The following ERBB4 variants were observed in gnomAD, a reference collection of about 807,000 sequenced individuals.
ERBB4 encodes receptor tyrosine-protein kinase erbB-4.
ERBB4 carries 42 observed loss-of-function variants against 158.0 expected under a neutral mutation model. The ratio of observed to expected loss-of-function variants is 0.27; its 90% CI spans 0.21 to 0.34. The LOEUF (loss-of-function observed/expected upper bound fraction) is 0.34. ERBB4 is among the 10% of genes least tolerant of loss of function. The pLI is 1.00. For missense variants in ERBB4, 1,333 were observed against 1,624.1 expected (o/e 0.82, Z 3.08); for synonymous variants, 583 against 558.7 (o/e 1.04, Z -0.61).
At chr2:212,120,646 A>G (rs2079719242) in intron 2 of ERBB4, among the ~76,000 whole-genome samples, 1 of 152,212 alleles carries the variant, frequency 6.6e-6, no homozygotes, top group Non-Finnish European at 1.5e-5. Flanking sequence ...CTCACTAGCT[A>G]GAGATGAAAA....
At chr2:211,635,399 CTT>C (rs2070320229) in intron 16 of ERBB4, among the ~76,000 whole-genome samples, 2 of 152,146 alleles carry the variant, frequency 1.3e-5, no homozygotes, top group African/African-American at 4.8e-5. Flanking sequence ...ATTCTACTGA[CTT>C]GAATGCAATT....
intron 1 of ERBB4, among the ~76,000 whole-genome samples, chr2:212,428,715 A>T (rs2091965533): frequency 6.6e-6 from 1 of 152,208 alleles, no homozygotes; most frequent in Non-Finnish European, 1.5e-5. Context: ...AGTAAAATAA[A>T]ACCTTAAGTC....
At chr2:211,619,512 C>T (rs1270563757) in intron 18 of ERBB4, among the ~76,000 whole-genome samples, 1 of 152,014 alleles carries the variant, frequency 6.6e-6, no homozygotes, top group Non-Finnish European at 1.5e-5. Flanking sequence ...GTTTACACTA[C>T]TGTCAAATTC....
In ERBB4 at chr2:211,563,017, C is replaced by T. The variant is rs529271053; in HGVS notation, c.2302-929G>A. Among the ~76,000 whole-genome samples, 150 of 152,034 alleles carry T rather than the reference C, an allele frequency of 9.9e-4. 1 individual carries two copies. Among genetic ancestry groups the T allele is most frequent in the African/African-American group, 3.4e-3 (142 of 41,472 alleles). On this transcript the variant is annotated intron_variant, in intron 19 of 27. Transcript: ENST00000342788. Reference sequence around the variant, plus strand: ...CTATCTCCTGACCTTGTGATCCGCCCGCCTCGGCCTCCCAAAGTGTACTCC... The same window carrying T: ...CTATCTCCTGACCTTGTGATCCGCCTGCCTCGGCCTCCCAAAGTGTACTCC...
chr2:211,941,166 A>C (rs2080483693), intron 3 of ERBB4, among the ~76,000 whole-genome samples: 1 of 151,706 alleles, frequency 6.6e-6, no homozygotes, highest in African/African-American at 2.4e-5. Flanking sequence ...CTTTTCACTG[A>C]TTCTCTCTGA....
intron 7 of ERBB4, among the ~76,000 whole-genome samples, chr2:211,720,655 G>C (rs556281140): frequency 1.3e-5 from 2 of 151,952 alleles, no homozygotes; most frequent in South Asian, 4.2e-4. Context: ...CCACTCTTTC[G>C]GTACACAAGC....
At chr2:212,334,840 C>T (rs1015754466) in intron 1 of ERBB4, among the ~76,000 whole-genome samples, 1 of 151,942 alleles carries the variant, frequency 6.6e-6, no homozygotes, top group South Asian at 2.1e-4. Context: ...ACATTTTCTA[C>T]TGGTTGAGAA....
At chr2:212,072,633 C>G (rs2078157551) in intron 2 of ERBB4, among the ~76,000 whole-genome samples, 1 of 151,998 alleles carries the variant, frequency 6.6e-6, no homozygotes, top group African/African-American at 2.4e-5. Context: ...TTTCGATCTA[C>G]TCGTCAAATC....
At chr2:211,384,673 C>G (rs556848643) in intron 27 of ERBB4, among the ~76,000 whole-genome samples, 3 of 151,894 alleles carry the variant, frequency 2.0e-5, no homozygotes, top group East Asian at 3.9e-4. Flanking sequence ...TAACAGATAG[C>G]TAACATGCCT....
chr2:211,682,007 T>C (rs77016924), intron 12 of ERBB4, among the ~76,000 whole-genome samples: 3,352 of 151,602 alleles, frequency 0.022, 44 homozygotes, highest in Middle Eastern at 0.044. Context: ...GTATTAGTCA[T>C]GGTTCTCCAG....
At chr2:211,958,883 T>A (rs879521850) in intron 2 of ERBB4, among the ~76,000 whole-genome samples, 1 of 152,082 alleles carries the variant, frequency 6.6e-6, no homozygotes, top group Non-Finnish European at 1.5e-5. Context: ...GTACTTTAAG[T>A]ATCCTAAAAG....
At chr2:212,298,967 C>G (rs563314305) in intron 1 of ERBB4, among the ~76,000 whole-genome samples, 1 of 151,670 alleles carries the variant, frequency 6.6e-6, no homozygotes, top group Non-Finnish European at 1.5e-5. Context: ...TTGTGAAATA[C>G]TTTACATGAT....
intron 1 of ERBB4, among the ~76,000 whole-genome samples, chr2:212,196,231 T>C (rs1173314393): frequency 6.6e-6 from 1 of 152,184 alleles, no homozygotes; most frequent in Non-Finnish European, 1.5e-5. Flanking sequence ...ACTTTATTCT[T>C]ATAATTAAGA....
At chr2:212,459,960 CAT>C (rs1258785145) in intron 1 of ERBB4, among the ~76,000 whole-genome samples, 1 of 152,172 alleles carries the variant, frequency 6.6e-6, no homozygotes, top group Non-Finnish European at 1.5e-5. Context: ...CTTGAATTCA[CAT>C]GTGTTGTGGG....
intron 20 of ERBB4, among the ~76,000 whole-genome samples, chr2:211,464,156 T>G (rs2064611573): frequency 6.6e-6 from 1 of 152,202 alleles, no homozygotes; most frequent in Admixed American, 6.5e-5. Context: ...GGCATTTATC[T>G]TGTTATTTTG....
chr2:211,603,518 A>T (rs767812798), intron 19 of ERBB4, among the ~76,000 whole-genome samples: 8 of 152,160 alleles, frequency 5.3e-5, no homozygotes, highest in African/African-American at 1.7e-4. Flanking sequence ...AAAATGAGGC[A>T]ATGTAGCTTG....
chr2:212,085,497 T>G (rs143813458), intron 2 of ERBB4, among the ~76,000 whole-genome samples: 62 of 152,022 alleles, frequency 4.1e-4, no homozygotes, highest in African/African-American at 1.4e-3. Context: ...TCATTTCAGC[T>G]TGGTATTAGT....
chr2:211,894,450 T>A (rs2079049734), intron 3 of ERBB4, among the ~76,000 whole-genome samples: 1 of 144,282 alleles, frequency 6.9e-6, no homozygotes, highest in South Asian at 2.3e-4. Flanking sequence ...TTGGGAGATA[T>A]ACCTAATGCT....
chr2:211,815,341 A>T (rs1384306582), intron 3 of ERBB4, among the ~76,000 whole-genome samples: 1 of 152,252 alleles, frequency 6.6e-6, no homozygotes, highest in African/African-American at 2.4e-5. Flanking sequence ...TTTCATAGGA[A>T]TAACTTTATA....
Sources: allele counts gnomAD v4.1 joint callset (sites outside exome capture counted in the v4.1 genomes callset), GRCh38; gene constraint gnomAD v4.1.1; transcripts MANE v1.5; gene names NCBI Gene and HGNC (gene_info 2026-07-23, HGNC 2026-07-21).